The following SAFB2 variants were observed in gnomAD, a reference collection of about 807,000 sequenced individuals.
The protein encoded by SAFB2 is scaffold attachment factor B2.
A neutral mutation model predicts 100.6 loss-of-function variants in SAFB2; 32 were observed. That is an observed-to-expected ratio of 0.32 (90% CI 0.24 to 0.43). The LOEUF is 0.43. SAFB2 is among the 20% of genes least tolerant of loss of function. The probability of loss-of-function intolerance (pLI) is 1.00; values close to 1 mark genes in which losing one functional copy is unlikely to be tolerated. For synonymous variants in SAFB2, 500 were observed against 439.4 expected (o/e 1.14, Z -1.72); for missense variants, 1,185 against 1,163.4 (o/e 1.02, Z -0.27).
At chr19:5,618,129 C>T (rs1400411427) in intron 2 of SAFB2, among the ~76,000 whole-genome samples, 1 of 152,080 alleles carries the variant, frequency 6.6e-6, no homozygotes, top group Non-Finnish European at 1.5e-5. Flanking sequence ...AGAGTAAGAC[C>T]GAGTCTCTCT....
rs1346604909 is a variant in SAFB2 at position 5,616,402 on chromosome 19, T to A, written c.339+20A>T. 6.2e-7 allele frequency: 1 copy of A among 1,613,968 alleles called. No individual in the cohort carries two copies. The highest frequency in any genetic ancestry group is 1.1e-5 in the South Asian group (1 of 91,056). ...GGACAGGGAGCTGCTGCTTGTCATC[T>A]CTACCCTGACATCACTTACCTGCCC... On this transcript the variant is annotated intron_variant, in intron 3 of 20. Coordinates refer to ENST00000252542, the MANE Select transcript of SAFB2 (RefSeq NM_014649.3).
At chr19:5,605,682 T>A (rs1165521321) in intron 9 of SAFB2, among the ~76,000 whole-genome samples, 1 of 152,180 alleles carries the variant, frequency 6.6e-6, no homozygotes, top group East Asian at 1.9e-4. Flanking sequence ...CTGGCTGAGA[T>A]GGGAGAACTA....
intron 15 of SAFB2, 29 bp downstream of exon 15, chr19:5,593,862 G>A (rs1370687493): frequency 2.8e-6 from 4 of 1,437,754 alleles, no homozygotes; most frequent in African/African-American, 1.5e-5. Flanking sequence ...GCTGGTCTCC[G>A]TCCTGCCCAC....
Position 5,604,784 on chromosome 19 carries a change from C to T in SAFB2, c.1446+3G>A. 1 of 1,614,070 alleles carries T rather than the reference C, an allele frequency of 6.2e-7. No homozygotes were observed. The highest frequency in any genetic ancestry group is 8.5e-7 in the Non-Finnish European group (1 of 1,179,916). ...GAGTTACCATAGACGAGAACTGCCT[C>T]ACCTTCTCTACGGAGATCATTCGTC... On this transcript the variant is annotated splice_donor_region_variant and intron_variant, in intron 10 of 20. Coordinates refer to ENST00000252542, the MANE Select transcript of SAFB2 (RefSeq NM_014649.3).
intron 9 of SAFB2, among the ~76,000 whole-genome samples, chr19:5,605,949 A>G (rs1012617558): frequency 6.6e-6 from 1 of 152,224 alleles, no homozygotes; most frequent in African/African-American, 2.4e-5. Context: ...AGCAAGCTGA[A>G]GAGACCCACA....
intron 1 of SAFB2, among the ~76,000 whole-genome samples, chr19:5,621,679 A>C (rs1036242193): frequency 6.6e-6 from 1 of 152,230 alleles, no homozygotes; most frequent in Non-Finnish European, 1.5e-5. Flanking sequence ...ACAATGCCAA[A>C]CCTTCGACTT....
chr19:5,599,799 T>C (rs2052616008), intron 12 of SAFB2, among the ~76,000 whole-genome samples: 1 of 152,094 alleles, frequency 6.6e-6, no homozygotes, highest in Non-Finnish European at 1.5e-5. Context: ...ACCTGCAAAA[T>C]AGCATCAGGT....
intron 2 of SAFB2, 143 bp downstream of exon 2, chr19:5,621,166 G>GGT: frequency 1.5e-6 from 1 of 669,540 alleles, no homozygotes; most frequent in Non-Finnish European, 2.8e-6. Context: ...CCTGTTAGGT[G>GGT]GTGACGAGCA....
In SAFB2 at chr19:5,587,248, AG is replaced by A; in HGVS notation, c.2856del (p.Tyr953ThrfsTer41). ...HPPPYPHFTR[R>X]Y ...AAACTCGCAGCGAGTGGGACTTAGT[AG>A]CGGCGGGTGAAGTGGGGGTACGGGG... On this transcript the variant is annotated frameshift_variant, in exon 21 of 21. Transcript: ENST00000252542. LOFTEE classifies it high-confidence loss of function. The surrounding 1 kb of genome is among the most constrained non-coding windows in gnomAD (Gnocchi z 4.9). 6.2e-7 allele frequency: 1 copy of A among 1,612,070 alleles called. No homozygotes were observed. The highest frequency in any genetic ancestry group is 8.5e-7 in the Non-Finnish European group (1 of 1,179,200).
chr19:5,604,134 G>A (rs1173390455), intron 11 of SAFB2, among the ~76,000 whole-genome samples: 1 of 152,196 alleles, frequency 6.6e-6, no homozygotes, highest in East Asian at 1.9e-4. Flanking sequence ...AGACTGGCAG[G>A]GCGTGGTGGC....
At chr19:5,592,470 C>G (rs1466085128) in intron 16 of SAFB2, among the ~76,000 whole-genome samples, 1 of 152,224 alleles carries the variant, frequency 6.6e-6, no homozygotes, top group African/African-American at 2.4e-5. Context: ...CACAAGAGAG[C>G]TCAGTGTAGA....
At position 5,622,577 on chromosome 19, in the gene SAFB2, G is replaced by C. The variant is rs1487904032; in HGVS notation, c.139C>G (p.Leu47Val). 6.2e-7 allele frequency: 1 copy of C among 1,613,440 alleles called. No homozygotes were observed. Among genetic ancestry groups the C allele is most frequent in the Non-Finnish European group, 8.5e-7 (1 of 1,179,758 alleles). Residue 47 changes from leucine to valine, a missense_variant, in exon 1 of 21, where the codon CTG (leucine) becomes GTG (valine). Coordinates refer to ENST00000252542, the MANE Select transcript of SAFB2 (RefSeq NM_014649.3). ...ACGCTCTTGTTGCCGCCCGTGTCCA[G>C]GTTCCGCTTCTTCAGCTCCGCCCGC... The part of the protein sequence containing the change: ...DLRAELKKRN[L>V]DTGGNKSVLM...
chr19:5,598,823 G>A lies in SAFB2; in HGVS notation c.1752C>T (p.Ser584=), dbSNP rs1450845780. The A allele has an allele frequency of 7.4e-6, 12 of 1,614,018 alleles. No homozygotes were observed. Among genetic ancestry groups the A allele is most frequent in the East Asian group, 2.2e-5 (1 of 44,900 alleles). Residue 584 remains serine, a synonymous_variant, in exon 13 of 21, where the codon AGC becomes AGT. Coordinates refer to ENST00000252542, the MANE Select transcript of SAFB2 (RefSeq NM_014649.3). ...MDKSKGEPVI[S]VKTTSRSKER... Reference sequence around the variant, plus strand: ...CTTTGGACCTGCTTGTGGTTTTCACGCTAATGACGGGCTCTCCTTTCGATT... The same window carrying A: ...CTTTGGACCTGCTTGTGGTTTTCACACTAATGACGGGCTCTCCTTTCGATT...
chr19:5,600,336 C>G, intron 11 of SAFB2, 76 bp from the exon 12 acceptor site: 1 of 1,562,262 alleles, frequency 6.4e-7, no homozygotes, highest in Non-Finnish European at 8.6e-7. Context: ...AGCCTCGACT[C>G]ACACATACTC....
At chr19:5,593,712 GAACT>G (rs2052466893) in intron 15 of SAFB2, 175 bp downstream of exon 15, 6 of 625,396 alleles carry the variant, frequency 9.6e-6, no homozygotes, top group Non-Finnish European at 1.5e-5. Flanking sequence ...TGAGGACAGC[GAACT>G]AATAAACCTG....
At chr19:5,593,733 C>T (rs778471945) in intron 15 of SAFB2, 158 bp downstream of exon 15, 11 of 720,878 alleles carry the variant, frequency 1.5e-5, no homozygotes, top group Non-Finnish European at 2.3e-5. Context: ...CCTGCAGCAG[C>T]GCAGTGAGAT....
chr19:5,598,988 G>T, intron 12 of SAFB2, 104 bp from the exon 13 acceptor site: 1 of 966,484 alleles, frequency 1.0e-6, no homozygotes, highest in Non-Finnish European at 1.6e-6. Context: ...CACAAGGCGT[G>T]AGTCAAGTGA....
intron 2 of SAFB2, among the ~76,000 whole-genome samples, chr19:5,619,767 C>G (rs985304595): frequency 6.6e-6 from 1 of 151,982 alleles, no homozygotes; most frequent in African/African-American, 2.4e-5. Flanking sequence ...ATCACTTGAA[C>G]CCGGGAGGCG....
chr19:5,618,151 C>T (rs977420020), intron 2 of SAFB2, among the ~76,000 whole-genome samples: 3 of 151,966 alleles, frequency 2.0e-5, no homozygotes, highest in South Asian at 2.1e-4. Flanking sequence ...ACATACACAC[C>T]GATAAAGAAA....
Sources: gnomAD v4.1 joint callset for allele counts (sites outside exome capture counted in the v4.1 genomes callset) on GRCh38, gnomAD v4.1.1 for gene constraint, Gnocchi (gnomAD v3.1) non-coding constraint, MANE v1.5 for transcripts, NCBI Gene and HGNC (gene_info 2026-07-23, HGNC 2026-07-21) for gene names.